The following BBOX1 variants were observed in gnomAD, a reference collection of about 807,000 sequenced individuals.
BBOX1 encodes gamma-butyrobetaine hydroxylase 1.
Under a neutral mutation model 41.6 loss-of-function variants are expected in BBOX1, and 35 were observed. The observed-to-expected ratio is 0.84, with a 90% confidence interval of 0.64 to 1.11. The LOEUF (loss-of-function observed/expected upper bound fraction) is 1.11, where lower values mean the gene tolerates loss of function less well. BBOX1 is among the 50% of genes most tolerant of loss of function. The probability of loss-of-function intolerance (pLI) is 0.00; values close to 1 mark genes in which losing one functional copy is unlikely to be tolerated. For synonymous variants in BBOX1, 163 were observed against 154.7 expected (o/e 1.05, Z -0.40); for missense variants, 458 against 460.6 (o/e 0.99, Z 0.05).
At chr11:27,046,468 C>T (rs1851492156) in intron 2 of BBOX1, among the ~76,000 whole-genome samples, 1 of 145,856 alleles carries the variant, frequency 6.9e-6, no homozygotes, top group South Asian at 2.1e-4. Context: ...ACACTACACA[C>T]ATGTATTAAT....
At chr11:27,080,695 A>G (rs2134014790) in intron 4 of BBOX1, among the ~76,000 whole-genome samples, 1 of 152,262 alleles carries the variant, frequency 6.6e-6, no homozygotes, top group Non-Finnish European at 1.5e-5. Context: ...TTCTCTTCTG[A>G]GTCCTTCTGT....
intron 4 of BBOX1, among the ~76,000 whole-genome samples, chr11:27,074,717 G>A (rs1268154556): frequency 6.6e-6 from 1 of 152,200 alleles, no homozygotes; most frequent in African/African-American, 2.4e-5. Context: ...TGAACAAAGA[G>A]ATTAGCTAAA....
In BBOX1 at chr11:27,102,860, T is replaced by C. The variant is rs544153427; in HGVS notation, c.533+9494T>C. The stretch of plus-strand genomic sequence containing the variant: ...GTCACAGCATCTTTAATATGTCACT[T>C]ATAGTTTTACTGGCAATATGATTTT... On this transcript the variant is annotated intron_variant, in intron 5 of 8. Coordinates refer to ENST00000263182, the MANE Select transcript of BBOX1 (RefSeq NM_003986.3). 7.9e-5 allele frequency among the ~76,000 whole-genome samples: 12 copies of C among 152,270 alleles called. No homozygotes were observed. In the South Asian group the frequency reaches 2.5e-3, roughly 32 times the overall value.
chr11:27,081,650 G>T (rs1334970937), intron 4 of BBOX1, among the ~76,000 whole-genome samples: 2 of 152,128 alleles, frequency 1.3e-5, no homozygotes, highest in African/African-American at 4.8e-5. Context: ...CACAATGGTT[G>T]AACTAATTTA....
chr11:27,093,186 C>T lies in BBOX1; in HGVS notation c.353C>T (p.Ser118Leu). Residue 118 changes from serine to leucine, a missense_variant, in exon 5 of 9, where the codon TCA becomes TTA. Coordinates refer to ENST00000263182, the MANE Select transcript of BBOX1 (RefSeq NM_003986.3). The stretch of plus-strand genomic sequence containing the variant: ...TTCACAGAATGCCAATACTGGGGCT[C>T]AGAGCTCCAGCTACCCACTTTGGAT... ...LFFPECQYWG[S>L]ELQLPTLDFE... 1 of 1,612,136 alleles carries T rather than the reference C, an allele frequency of 6.2e-7. No homozygotes were observed. Among genetic ancestry groups the T allele is most frequent in the East Asian group, 2.2e-5 (1 of 44,810 alleles).
In BBOX1 at chr11:27,057,064, TAAAA is replaced by T. The variant is rs60041119; in HGVS notation, c.220-119_220-116del. 9.9e-3 allele frequency: 1,490 copies of T among 150,980 alleles called. 15 individuals are homozygous for T. The highest frequency in any genetic ancestry group is 0.023 in the African/African-American group (546 of 23,566). The allele number at this position is 150,980 out of a possible 1,614,324, so 9.4% of individuals were successfully genotyped here. A position where few individuals can be genotyped will look rare whatever the true frequency, so the allele number is the denominator to read the frequency against. ...CTGGCAACAGAGGAAGACTCCGACTTAAAAAAAAAAAAAAAAAAAAATTAAGCAA... is the reference window on the plus strand; with the variant it reads ...CTGGCAACAGAGGAAGACTCCGACTTAAAAAAAAAAAAAAAAATTAAGCAA... On this transcript the variant is annotated intron_variant, in intron 3 of 8. Coordinates refer to ENST00000263182, the MANE Select transcript of BBOX1 (RefSeq NM_003986.3).
intron 5 of BBOX1, among the ~76,000 whole-genome samples, chr11:27,100,872 A>G (rs1163065862): frequency 2.0e-5 from 3 of 151,984 alleles, no homozygotes; most frequent in Non-Finnish European, 4.4e-5. Context: ...GCACACACAC[A>G]TACAACCTTC....
intron 5 of BBOX1, among the ~76,000 whole-genome samples, chr11:27,098,101 C>T (rs754094041): frequency 6.6e-6 from 1 of 151,932 alleles, no homozygotes; most frequent in African/African-American, 2.4e-5. Flanking sequence ...TCTCCTGGAC[C>T]TTTATTCTGA....
chr11:27,060,694 C>G (rs905562250), intron 4 of BBOX1, among the ~76,000 whole-genome samples: 1 of 152,188 alleles, frequency 6.6e-6, no homozygotes, highest in Non-Finnish European at 1.5e-5. Flanking sequence ...ACCATTTCTT[C>G]TGGTTATCAA....
intron 4 of BBOX1, among the ~76,000 whole-genome samples, chr11:27,075,796 AGGCTGCCTATAG>A (rs1177671840): frequency 6.6e-6 from 1 of 152,202 alleles, no homozygotes; most frequent in Non-Finnish European, 1.5e-5. Flanking sequence ...TGTTCCAGAA[AGGCTGCCTATAG>A]GTGCACTCAT....
chr11:27,073,768 T>C (rs1219895748), intron 4 of BBOX1, among the ~76,000 whole-genome samples: 2 of 152,236 alleles, frequency 1.3e-5, no homozygotes, highest in Non-Finnish European at 2.9e-5. Context: ...TTTAGGAACA[T>C]GGATGCAGCT....
At chr11:27,059,795 C>G (rs542311319) in intron 4 of BBOX1, among the ~76,000 whole-genome samples, 1 of 152,258 alleles carries the variant, frequency 6.6e-6, no homozygotes, top group East Asian at 1.9e-4. Context: ...CTTGCATGGG[C>G]CCTGTACTCC....
chr11:27,058,996 C>T (rs2133968387), intron 4 of BBOX1, among the ~76,000 whole-genome samples: 1 of 152,296 alleles, frequency 6.6e-6, no homozygotes, highest in East Asian at 1.9e-4. Context: ...GAAGCCAGTG[C>T]TAATAGCCAA....
intron 4 of BBOX1, among the ~76,000 whole-genome samples, chr11:27,079,969 C>T (rs558376635): frequency 5.3e-5 from 8 of 152,200 alleles, no homozygotes; most frequent in Admixed American, 3.9e-4. Flanking sequence ...CCGCTGTCCG[C>T]ACTACCAACA....
intron 4 of BBOX1, among the ~76,000 whole-genome samples, chr11:27,058,830 C>T (rs1377960028): frequency 6.6e-6 from 1 of 152,044 alleles, no homozygotes; most frequent in Non-Finnish European, 1.5e-5. Flanking sequence ...CAAGAGCAAA[C>T]AAATAAGTTG....
chr11:27,054,205 C>CTGTGTG (rs57324926), intron 2 of BBOX1, among the ~76,000 whole-genome samples: 1,405 of 139,462 alleles, frequency 0.01, 10 homozygotes, highest in African/African-American at 0.014. Context: ...GTGTGTGTGT[C>CTGTGTG]TGTGTGTGTG....
At chr11:27,047,093 AC>A (rs1851508280) in intron 2 of BBOX1, 1 of 152,198 alleles carries the variant, frequency 6.6e-6, no homozygotes, top group Non-Finnish European at 1.5e-5. Context: ...CTAAGTTTCT[AC>A]AGAGATACCT....
chr11:27,123,560 A>G (rs1378740078), intron 7 of BBOX1, among the ~76,000 whole-genome samples: 1 of 152,148 alleles, frequency 6.6e-6, no homozygotes, highest in Non-Finnish European at 1.5e-5. Context: ...TAACAAGAAA[A>G]AAAAAGAGGA....
At chr11:27,086,263 A>T (rs1421501239) in intron 4 of BBOX1, among the ~76,000 whole-genome samples, 1 of 152,098 alleles carries the variant, frequency 6.6e-6, no homozygotes, top group Non-Finnish European at 1.5e-5. Flanking sequence ...CATAGCTAAA[A>T]AAGAGAGGTC....
Sources: gnomAD v4.1 joint callset for allele counts (sites outside exome capture counted in the v4.1 genomes callset) on GRCh38, gnomAD v4.1.1 for gene constraint, MANE v1.5 for transcripts, NCBI Gene and HGNC (gene_info 2026-07-23, HGNC 2026-07-21) for gene names.